The following GRIP1 variants were observed in gnomAD, a reference collection of about 807,000 sequenced individuals.
GRIP1 encodes glutamate receptor interacting protein 1.
In GRIP1, 45 loss-of-function variants were observed where a neutral mutation model predicts 129.9. The observed-to-expected ratio is 0.35, with a 90% CI of 0.27 to 0.44. The LOEUF (loss-of-function observed/expected upper bound fraction) is 0.44, where lower values mean the gene tolerates loss of function less well. Ranked by LOEUF, GRIP1 falls within the 20% of genes least tolerant of loss-of-function variation. GRIP1 has a pLI of 1.00. For missense variants in GRIP1, 1,196 were observed against 1,396.8 expected, an observed-to-expected ratio of 0.86 and a Z score of 2.29; for synonymous variants, 530 against 520.8, an observed-to-expected ratio of 1.02 and a Z score of -0.24.
intron 1 of GRIP1, among the ~76,000 whole-genome samples, chr12:66,995,091 G>A (rs2042447753): frequency 6.6e-6 from 1 of 151,116 alleles, no homozygotes; most frequent in Non-Finnish European, 1.5e-5. Flanking sequence ...TCTCAATGGG[G>A]AAAAAACAGT....
intron 2 of GRIP1, among the ~76,000 whole-genome samples, chr12:66,544,296 A>G (rs1171508114): frequency 2.6e-5 from 4 of 152,178 alleles, no homozygotes; most frequent in African/African-American, 9.7e-5. Flanking sequence ...TAATTTGTGC[A>G]TTCATTGATT....
At chr12:66,410,715 A>C (rs1157774969) in intron 15 of GRIP1, among the ~76,000 whole-genome samples, 1 of 152,188 alleles carries the variant, frequency 6.6e-6, no homozygotes, top group African/African-American at 2.4e-5. Flanking sequence ...AAATAGCCTC[A>C]AAAGGCCAAA....
intron 1 of GRIP1, among the ~76,000 whole-genome samples, chr12:67,055,716 G>A (rs2043423728): frequency 6.6e-6 from 1 of 152,174 alleles, no homozygotes; most frequent in Non-Finnish European, 1.5e-5. Context: ...CAGAATAAAA[G>A]TCCAAAAGGC....
intron 1 of GRIP1, among the ~76,000 whole-genome samples, chr12:66,696,804 CAAAAA>C (rs35445606): frequency 9.6e-6 from 1 of 103,714 alleles, no homozygotes; most frequent in African/African-American, 4.0e-5. Flanking sequence ...GACTCTGTCT[CAAAAA>C]AAAAAAAAAA....
intron 1 of GRIP1, among the ~76,000 whole-genome samples, chr12:66,989,144 A>C (rs1250983361): frequency 6.6e-6 from 1 of 152,220 alleles, no homozygotes; most frequent in Non-Finnish European, 1.5e-5. Flanking sequence ...CCTGGCTCTA[A>C]AGCTGTCATT....
At chr12:66,893,419 C>A (rs1290731969) in intron 1 of GRIP1, among the ~76,000 whole-genome samples, 1 of 151,870 alleles carries the variant, frequency 6.6e-6, no homozygotes, top group Non-Finnish European at 1.5e-5. Context: ...TTTTTTCCTG[C>A]TAGAGATGGG....
At chr12:66,637,511 A>G (rs1216781804) in intron 1 of GRIP1, among the ~76,000 whole-genome samples, 1 of 152,068 alleles carries the variant, frequency 6.6e-6, no homozygotes, top group Admixed American at 6.6e-5. Flanking sequence ...GCTTAATTTT[A>G]TTAATCTTGG....
In GRIP1 at chr12:66,371,796, G is replaced by T. The variant is rs2055517349; in HGVS notation, c.2910C>A (p.Ser970Arg). 6.2e-7 allele frequency: 1 copy of T among 1,614,060 alleles called. No individual in the cohort carries two copies. The highest frequency in any genetic ancestry group is 1.1e-5 in the South Asian group (1 of 91,092). Residue 970 changes from serine to arginine, a missense_variant, in exon 23 of 25, where the codon AGC becomes AGA. By Grantham distance (110) the Ser-to-Arg change is moderately radical (BLOSUM62 -1). This residue lies in a region of GRIP1 where 427 missense variants were observed against 463.3 expected (regional missense o/e 0.92). Transcript: ENST00000359742. ...TACCCACATCTGAAGGCAGGGTGTT[G>T]CTCCGAGTTGTTTGGCTGTAGTGCG... Reference protein sequence around the residue: ...SRPHYSQTTRSNTLPSDVGRK... With the variant: ...SRPHYSQTTRRNTLPSDVGRK...
chr12:66,352,720 C>CAA (rs1164207741), intron 24 of GRIP1, among the ~76,000 whole-genome samples: 4 of 63,704 alleles, frequency 6.3e-5, no homozygotes, highest in Non-Finnish European at 7.4e-5. Context: ...GACTCTGTCT[C>CAA]AAAAAAAAAA....
chr12:66,952,108 GGAAA>G (rs1266947942), intron 1 of GRIP1, among the ~76,000 whole-genome samples: 1 of 152,054 alleles, frequency 6.6e-6, no homozygotes, highest in Non-Finnish European at 1.5e-5. Flanking sequence ...AAGCAGGGAA[GGAAA>G]GAAAGGTCAG....
At position 66,502,239 on chromosome 12, in the gene GRIP1, C is replaced by A. The variant is rs550629379; in HGVS notation, c.724+13380G>T. ...AGTGGCCCAAAGATTTTTAAAAAACCCTTCTGATTCTATCACAATGGATAT... is the reference window on the plus strand; with the variant it reads ...AGTGGCCCAAAGATTTTTAAAAAACACTTCTGATTCTATCACAATGGATAT... On this transcript the variant is annotated intron_variant, in intron 7 of 24. Coordinates refer to ENST00000359742, the MANE Select transcript of GRIP1 (RefSeq NM_001366722.1). Among the ~76,000 whole-genome samples, 13 of 152,116 alleles carry A rather than the reference C, an allele frequency of 8.5e-5. 1 individual carries two copies. The South Asian group carries it at 2.3e-3, about 27-fold the overall frequency.
intron 1 of GRIP1, among the ~76,000 whole-genome samples, chr12:66,725,181 A>T (rs1236509236): frequency 6.6e-6 from 1 of 152,066 alleles, no homozygotes; most frequent in Admixed American, 6.6e-5. Flanking sequence ...GCATTCCTGC[A>T]GTCCTAGCTA....
intron 23 of GRIP1, among the ~76,000 whole-genome samples, chr12:66,356,093 G>A (rs990437769): frequency 7.2e-5 from 11 of 152,164 alleles, no homozygotes; most frequent in African/African-American, 2.4e-4. Context: ...GGGCCAGGCC[G>A]GCCTATCTGT....
chr12:66,836,550 A>G (rs1382124645), intron 1 of GRIP1, among the ~76,000 whole-genome samples: 1 of 151,056 alleles, frequency 6.6e-6, no homozygotes, highest in African/African-American at 2.4e-5. Flanking sequence ...AAATTTAGAG[A>G]GAAAATACAC....
chr12:66,757,405 A>G (rs370342202), intron 1 of GRIP1, among the ~76,000 whole-genome samples: 345 of 152,288 alleles, frequency 2.3e-3, no homozygotes, highest in Middle Eastern at 6.8e-3. Context: ...ATTGCAAATA[A>G]TAAGATCTCA....
chr12:66,727,181 T>A (rs1217247363), intron 1 of GRIP1, among the ~76,000 whole-genome samples: 2 of 152,176 alleles, frequency 1.3e-5, no homozygotes, highest in African/African-American at 4.8e-5. Flanking sequence ...TATTTACTCA[T>A]AATGGTATGG....
Position 66,493,538 on chromosome 12 carries a change from G to C in GRIP1, c.724+22081C>G, listed in dbSNP as rs528453070. Among the ~76,000 whole-genome samples the C allele has an allele frequency of 2.1e-4, 32 of 152,220 alleles. No homozygotes were observed. The East Asian group carries it at 3.3e-3, about 16-fold the overall frequency. On this transcript the variant is annotated intron_variant, in intron 7 of 24. Coordinates refer to ENST00000359742, the MANE Select transcript of GRIP1 (RefSeq NM_001366722.1). Reference sequence around the variant, plus strand: ...TGATAAATAGCACTTTATGCCACTGGAACATATACTACCACTAACAGAAAT... The same window carrying C: ...TGATAAATAGCACTTTATGCCACTGCAACATATACTACCACTAACAGAAAT...
intron 1 of GRIP1, among the ~76,000 whole-genome samples, chr12:66,773,800 G>T (rs2037893876): frequency 6.6e-6 from 1 of 152,128 alleles, no homozygotes; most frequent in African/African-American, 2.4e-5. Context: ...AATATAAAAA[G>T]CAAACAGAAG....
intron 23 of GRIP1, among the ~76,000 whole-genome samples, chr12:66,369,206 T>A (rs2055329773): frequency 6.6e-6 from 1 of 152,186 alleles, no homozygotes; most frequent in Non-Finnish European, 1.5e-5. Flanking sequence ...ATAAGGTCAA[T>A]TTGGCTCATG....
Sources: allele counts gnomAD v4.1 joint callset (sites outside exome capture counted in the v4.1 genomes callset), GRCh38; gene constraint gnomAD v4.1.1; regional missense constraint gnomAD v4.1.1; transcripts MANE v1.5; gene names NCBI Gene and HGNC (gene_info 2026-07-23, HGNC 2026-07-21).